The following SORCS2 variants were observed in gnomAD, a reference collection of about 807,000 sequenced individuals.
SORCS2 encodes the protein sortilin related VPS10 domain containing receptor 2, also known as VPS10 domain-containing receptor SorCS2.
A neutral mutation model predicts 141.6 loss-of-function variants in SORCS2; 100 were observed. The ratio of observed to expected loss-of-function variants is 0.71; its 90% CI spans 0.60 to 0.83. The LOEUF is 0.83. SORCS2 is among the 40% of genes least tolerant of loss of function. SORCS2 has a pLI of 0.00. For synonymous variants in SORCS2, 789 were observed against 676.9 expected (o/e 1.17, Z -2.57); for missense variants, 1,646 against 1,560.2 (o/e 1.05, Z -0.93).
intron 18 of SORCS2, among the ~76,000 whole-genome samples, 175 bp from the exon 19 acceptor site, chr4:7,723,522 G>T (rs1324253589): frequency 6.6e-6 from 1 of 152,208 alleles, no homozygotes; most frequent in African/African-American, 2.4e-5. Flanking sequence ...ACTCCAGGAA[G>T]AATCTCCAGG....
chr4:7,517,177 C>A (rs1369150194), intron 2 of SORCS2, among the ~76,000 whole-genome samples: 4 of 152,196 alleles, frequency 2.6e-5, no homozygotes, highest in Non-Finnish European at 5.9e-5. Context: ...GTGATTATGT[C>A]TGTGGGTCAG....
At chr4:7,536,240 T>C (rs1475549276) in intron 3 of SORCS2, among the ~76,000 whole-genome samples, 1 of 152,178 alleles carries the variant, frequency 6.6e-6, no homozygotes, top group Non-Finnish European at 1.5e-5. Context: ...CCTCAGTTCC[T>C]TGTCTGTAGA....
intron 1 of SORCS2, among the ~76,000 whole-genome samples, chr4:7,234,651 C>G (rs898033446): frequency 3.3e-5 from 5 of 152,204 alleles, no homozygotes; most frequent in African/African-American, 1.2e-4. Flanking sequence ...GGCCATTGTC[C>G]TCTAGGATCT....
intron 9 of SORCS2, 62 bp downstream of exon 9, chr4:7,676,291 C>A: frequency 6.7e-7 from 1 of 1,493,292 alleles, no homozygotes; most frequent in Non-Finnish European, 9.0e-7. Context: ...GCCCTCTCAC[C>A]CCACCTCTTC....
intron 3 of SORCS2, among the ~76,000 whole-genome samples, chr4:7,623,664 T>C (rs933619782): frequency 6.6e-6 from 1 of 152,264 alleles, no homozygotes; most frequent in East Asian, 1.9e-4. Flanking sequence ...TCCTGCTGGA[T>C]TGGTCACCTG....
intron 16 of SORCS2, 113 bp downstream of exon 16, chr4:7,714,486 G>T (rs1726056043): frequency 4.1e-6 from 5 of 1,216,282 alleles, no homozygotes; most frequent in Non-Finnish European, 5.6e-6. Context: ...TTTATAACCT[G>T]GTGTCACAGT....
At position 7,433,703 on chromosome 4, in the gene SORCS2, C is replaced by T; in HGVS notation, c.548+37348C>T. 3 of 1,612,966 alleles carry T rather than the reference C, an allele frequency of 1.9e-6. No homozygotes were observed. Among genetic ancestry groups the T allele is most frequent in the South Asian group, 1.1e-5 (1 of 91,032 alleles). The stretch of plus-strand genomic sequence containing the variant: ...CTCTTGCACCCATTGCAGAAGCTGC[C>T]CTGGTTCTCCGCGTCCCACTCTGGG... On this transcript the variant is annotated intron_variant, in intron 2 of 26. Transcript: ENST00000507866.
At chr4:7,569,790 T>G (rs1440801019) in intron 3 of SORCS2, among the ~76,000 whole-genome samples, 1 of 152,056 alleles carries the variant, frequency 6.6e-6, no homozygotes, top group Non-Finnish European at 1.5e-5. Flanking sequence ...ATGAATGCAG[T>G]GAGGTGCAGT....
intron 2 of SORCS2, among the ~76,000 whole-genome samples, chr4:7,486,684 C>A (rs1731009732): frequency 6.6e-6 from 1 of 152,154 alleles, no homozygotes; most frequent in Non-Finnish European, 1.5e-5. Context: ...GGCATGCTCC[C>A]CCTGGAGCCT....
At chr4:7,593,571 C>T (rs181325324) in intron 3 of SORCS2, among the ~76,000 whole-genome samples, 42 of 152,198 alleles carry the variant, frequency 2.8e-4, no homozygotes, top group African/African-American at 8.9e-4. Flanking sequence ...CTTCCGTCTT[C>T]GTGCCTGGCC....
intron 1 of SORCS2, among the ~76,000 whole-genome samples, chr4:7,332,284 C>T (rs533189831): frequency 1.1e-3 from 175 of 152,248 alleles, no homozygotes; most frequent in East Asian, 3.9e-4. Context: ...CAGGCAATCC[C>T]GGGGGCCCTG....
chr4:7,667,911 A>G (rs1212116686), intron 8 of SORCS2, among the ~76,000 whole-genome samples: 6 of 152,222 alleles, frequency 3.9e-5, no homozygotes, highest in African/African-American at 1.4e-4. Context: ...ACATCTAGTT[A>G]GAAACAAAGG....
chr4:7,293,823 T>G (rs1487875603), intron 1 of SORCS2, among the ~76,000 whole-genome samples: 1 of 152,162 alleles, frequency 6.6e-6, no homozygotes, highest in East Asian at 1.9e-4. Flanking sequence ...ATTGGCTTCT[T>G]CCAAATTAGC....
chr4:7,493,691 G>A (rs1011870287), intron 2 of SORCS2, among the ~76,000 whole-genome samples: 2 of 152,250 alleles, frequency 1.3e-5, no homozygotes, highest in Non-Finnish European at 2.9e-5. Flanking sequence ...GTGTGTCCCA[G>A]AAGGGCTGGG....
intron 1 of SORCS2, among the ~76,000 whole-genome samples, chr4:7,258,599 A>G (rs993640576): frequency 1.3e-5 from 2 of 152,224 alleles, no homozygotes; most frequent in Non-Finnish European, 2.9e-5. Context: ...CAGTGCTGCA[A>G]TAAATCTATG....
intron 1 of SORCS2, among the ~76,000 whole-genome samples, chr4:7,306,306 G>A (rs1176114951): frequency 2.6e-5 from 4 of 152,064 alleles, no homozygotes; most frequent in African/African-American, 7.2e-5. Context: ...TTGATGGTCC[G>A]AGGGTGGAGG....
chr4:7,305,361 G>GT lies in SORCS2; in HGVS notation c.481-90910dup, dbSNP rs5855954. 5.5e-3 allele frequency among the ~76,000 whole-genome samples: 764 copies of GT among 137,738 alleles called. 8 individuals carry two copies. The highest frequency in any genetic ancestry group is 0.017 in the African/African-American group (625 of 37,544). The allele number at this position is 137,738 out of a possible 152,430, so 90.4% of individuals were successfully genotyped here. A position where few individuals can be genotyped will look rare whatever the true frequency, so the allele number is the denominator to read the frequency against. On this transcript the variant is annotated intron_variant, in intron 1 of 26. Transcript: ENST00000507866. ...TGGCTCTTGTCCCATTTCTACTTTA[G>GT]TTTTTTTTTTTTTTTTTCTTGGAAC...
chr4:7,641,118 C>T (rs890363398), intron 4 of SORCS2, among the ~76,000 whole-genome samples: 5 of 152,244 alleles, frequency 3.3e-5, no homozygotes, highest in Non-Finnish European at 1.5e-5. Context: ...CAGTATTTCA[C>T]ACTCTTCCAT....
At chr4:7,263,513 T>C (rs1202147179) in intron 1 of SORCS2, among the ~76,000 whole-genome samples, 2 of 152,226 alleles carry the variant, frequency 1.3e-5, no homozygotes, top group African/African-American at 4.8e-5. Context: ...TCCGACCTGA[T>C]TGCGAACCTG....
Sources: allele counts gnomAD v4.1 joint callset (sites outside exome capture counted in the v4.1 genomes callset), GRCh38; gene constraint gnomAD v4.1.1; transcripts MANE v1.5; gene names NCBI Gene and HGNC (gene_info 2026-07-23, HGNC 2026-07-21).